Variants in LHFPL4 observed in about 807,000 individuals in gnomAD.
The protein encoded by LHFPL4 is LHFPL tetraspan subfamily member 4.
In LHFPL4, 6 loss-of-function variants were observed where a neutral mutation model predicts 20.0. The observed-to-expected ratio is 0.30, with a 90% CI of 0.16 to 0.59. The LOEUF (loss-of-function observed/expected upper bound fraction) is 0.59, where lower values mean the gene tolerates loss of function less well. Among genes scored for constraint, LHFPL4 ranks in the 20% least tolerant of loss-of-function variants. LHFPL4 has a pLI of 0.88. For missense variants in LHFPL4, 215 were observed against 331.2 expected (o/e 0.65, Z 2.72); for synonymous variants, 129 against 143.8 (o/e 0.90, Z 0.74).
chr3:9,541,578 C>G (rs1425294343), intron 2 of LHFPL4, among the ~76,000 whole-genome samples: 1 of 151,928 alleles, frequency 6.6e-6, no homozygotes, highest in Non-Finnish European at 1.5e-5. Context: ...TTGAGACCAG[C>G]CTGGCCAACA....
At chr3:9,530,169 C>T (rs1008003955) in intron 2 of LHFPL4, among the ~76,000 whole-genome samples, 74 of 152,092 alleles carry the variant, frequency 4.9e-4, no homozygotes, top group Admixed American at 4.8e-3. Flanking sequence ...GCCTGTCCTT[C>T]GAAGCTTTAA....
At chr3:9,537,183 C>A (rs1476780131) in intron 2 of LHFPL4, among the ~76,000 whole-genome samples, 1 of 152,178 alleles carries the variant, frequency 6.6e-6, no homozygotes, top group Non-Finnish European at 1.5e-5. Flanking sequence ...CAGGCCCCAG[C>A]CTCCCTCCAT....
chr3:9,508,547 C>T (rs1313623350), intron 2 of LHFPL4, among the ~76,000 whole-genome samples: 1 of 152,188 alleles, frequency 6.6e-6, no homozygotes, highest in Non-Finnish European at 1.5e-5. Flanking sequence ...AATCTGGGGA[C>T]TCTGGGCACT....
At chr3:9,545,537 G>C (rs1373799764) in intron 2 of LHFPL4, among the ~76,000 whole-genome samples, 2 of 152,006 alleles carry the variant, frequency 1.3e-5, no homozygotes, top group Non-Finnish European at 2.9e-5. Context: ...AGGCCAAGGT[G>C]AGCAGATCAC....
At chr3:9,508,666 G>C (rs958440241) in intron 2 of LHFPL4, among the ~76,000 whole-genome samples, 6 of 152,204 alleles carry the variant, frequency 3.9e-5, no homozygotes, top group African/African-American at 1.4e-4. Context: ...AGAGGGGCCT[G>C]CGGAGAAGGC....
intron 2 of LHFPL4, among the ~76,000 whole-genome samples, chr3:9,522,521 C>T: frequency 6.6e-6 from 1 of 151,102 alleles, no homozygotes; most frequent in East Asian, 2.0e-4. Context: ...GGGCAGATCA[C>T]CTAAGGTCAG....
intron 3 of LHFPL4, among the ~76,000 whole-genome samples, chr3:9,504,908 A>G (rs2046206514): frequency 6.6e-6 from 1 of 151,318 alleles, no homozygotes; most frequent in South Asian, 2.1e-4. Flanking sequence ...CTCAATAAAT[A>G]TATCACTCTG....
At chr3:9,520,977 G>C (rs2046333397) in intron 2 of LHFPL4, among the ~76,000 whole-genome samples, 1 of 152,006 alleles carries the variant, frequency 6.6e-6, no homozygotes, top group African/African-American at 2.4e-5. Context: ...TTTCTGCCTG[G>C]ATTTTTCCAT....
At chr3:9,529,320 C>A (rs889359524) in intron 2 of LHFPL4, among the ~76,000 whole-genome samples, 1 of 152,184 alleles carries the variant, frequency 6.6e-6, no homozygotes, top group Non-Finnish European at 1.5e-5. Context: ...AGCCACCGCG[C>A]CCGGCCATGA....
At chr3:9,521,950 C>T (rs1427873912) in intron 2 of LHFPL4, among the ~76,000 whole-genome samples, 3 of 151,930 alleles carry the variant, frequency 2.0e-5, no homozygotes, top group African/African-American at 7.3e-5. Flanking sequence ...TGACCTATCT[C>T]TTTTTTATTT....
At chr3:9,503,034 T>C (rs2125654340) in intron 3 of LHFPL4, among the ~76,000 whole-genome samples, 1 of 152,230 alleles carries the variant, frequency 6.6e-6, no homozygotes, top group South Asian at 2.1e-4. Context: ...GAAACTGGGT[T>C]TTGTTACATC....
chr3:9,518,271 T>C (rs1301235456), intron 2 of LHFPL4, among the ~76,000 whole-genome samples: 1 of 152,214 alleles, frequency 6.6e-6, no homozygotes, highest in African/African-American at 2.4e-5. Flanking sequence ...TTGGTCATGG[T>C]GTACCATTCT....
intron 2 of LHFPL4, among the ~76,000 whole-genome samples, chr3:9,510,024 C>A (rs1485194263): frequency 6.6e-6 from 1 of 152,190 alleles, no homozygotes; most frequent in African/African-American, 2.4e-5. Context: ...GCTTTCTCAG[C>A]CTCAATGCTT....
chr3:9,508,869 C>T (rs1264325899), intron 2 of LHFPL4, among the ~76,000 whole-genome samples: 1 of 152,204 alleles, frequency 6.6e-6, no homozygotes, highest in Non-Finnish European at 1.5e-5. Flanking sequence ...TCCCTATTCC[C>T]GGACTCTAAA....
At chr3:9,532,802 T>C (rs2046418762) in intron 2 of LHFPL4, among the ~76,000 whole-genome samples, 1 of 152,064 alleles carries the variant, frequency 6.6e-6, no homozygotes. Context: ...TTGAACAGAC[T>C]CTCCAGAGGC....
At chr3:9,530,138 G>T (rs1228522678) in intron 2 of LHFPL4, among the ~76,000 whole-genome samples, 1 of 152,124 alleles carries the variant, frequency 6.6e-6, no homozygotes, top group Non-Finnish European at 1.5e-5. Flanking sequence ...CCAGCTGCAT[G>T]GGTCCCTAAT....
chr3:9,514,667 T>C (rs897709492), intron 2 of LHFPL4, among the ~76,000 whole-genome samples: 9 of 152,212 alleles, frequency 5.9e-5, no homozygotes, highest in African/African-American at 2.2e-4. Context: ...TATTCATCCC[T>C]TCCTCCTCCC....
At chr3:9,525,522 TG>T (rs2046368028) in intron 2 of LHFPL4, among the ~76,000 whole-genome samples, 1 of 152,238 alleles carries the variant, frequency 6.6e-6, no homozygotes, top group Admixed American at 6.5e-5. Context: ...TCAGTTTGTT[TG>T]GCTTTTTACT....
chr3:9,547,230 C>G (rs534046672), intron 2 of LHFPL4, among the ~76,000 whole-genome samples: 1 of 152,166 alleles, frequency 6.6e-6, no homozygotes. Context: ...CTCAAGCAAC[C>G]CTTCTGCCTC....
Sources: gnomAD v4.1 joint callset for allele counts (sites outside exome capture counted in the v4.1 genomes callset) on GRCh38, gnomAD v4.1.1 for gene constraint, MANE v1.5 for transcripts, NCBI Gene and HGNC (gene_info 2026-07-23, HGNC 2026-07-21) for gene names.